The following NOX1 variants were observed in gnomAD, a reference collection of about 807,000 sequenced individuals.
The protein encoded by NOX1 is NADPH oxidase 1.
Under a neutral mutation model 42.5 loss-of-function variants are expected in NOX1, and 34 were observed. That is an observed-to-expected ratio of 0.80 (90% CI 0.61 to 1.07). The LOEUF (loss-of-function observed/expected upper bound fraction) is 1.07, where lower values mean the gene tolerates loss of function less well. Ranked by LOEUF, NOX1 falls within the 50% of genes least tolerant of loss-of-function variation. NOX1 has a pLI of 0.00. For synonymous variants in NOX1, 143 were observed against 152.5 expected, an observed-to-expected ratio of 0.94 and a Z score of 0.46; for missense variants, 408 against 427.0, an observed-to-expected ratio of 0.96 and a Z score of 0.39.
Position 100,850,273 on chromosome X carries a change from C to T in NOX1, c.1011G>A (p.Trp337Ter), listed in dbSNP as rs1240250983. 1 of 1,207,725 alleles carries T rather than the reference C, an allele frequency of 8.3e-7. No individual in the cohort carries two copies. The highest frequency in any genetic ancestry group is 1.7e-5 in the African/African-American group (1 of 57,150). ...VNCPSISLLE[W>*]HPFTLTSAPE... The stretch of plus-strand genomic sequence containing the variant: ...GAGCAGAGGTCAAAGTAAAAGGATG[C>T]CATTCCAGGAGAGAGATTGAGGGGC... Residue 337 changes from tryptophan (W) to a stop codon, truncating the protein, a stop_gained, in exon 9 of 13, where the codon TGG becomes TGA. Coordinates refer to ENST00000372966, the MANE Select transcript of NOX1 (RefSeq NM_007052.5). LOFTEE classifies it high-confidence loss of function.
rs775700320 is a variant in NOX1, at chrX:100,849,761, C to T, written c.1296+11G>A. ...CTCAGGCCAGAAGAAAAGTGATATA[C>T]GGGATTATACCTTTTTTGTTTTGAG... On this transcript the variant is annotated intron_variant, in intron 10 of 12. Transcript: ENST00000372966. The T allele has an allele frequency of 3.2e-5, 38 of 1,189,544 alleles. No individual in the cohort carries two copies. Among genetic ancestry groups the T allele is most frequent in the Non-Finnish European group, 3.8e-5 (34 of 884,441 alleles).
intron 1 of NOX1, among the ~76,000 whole-genome samples, chrX:100,871,830 C>G (rs1483949776): frequency 9.0e-6 from 1 of 111,622 alleles, no homozygotes; most frequent in Admixed American, 9.5e-5. Context: ...ATTCAGACTC[C>G]CTAGATCTAG....
intron 12 of NOX1, among the ~76,000 whole-genome samples, chrX:100,844,795 A>G (rs1433384910): frequency 8.9e-6 from 1 of 112,045 alleles, no homozygotes; most frequent in Non-Finnish European, 1.9e-5. Context: ...GGATAAAAAT[A>G]GTACTTACCA....
At chrX:100,856,398 A>C (rs1213475213) in intron 7 of NOX1, 1 of 497,649 alleles carries the variant, frequency 2.0e-6, no homozygotes, top group African/African-American at 2.4e-5. Context: ...GGGAGAAGAG[A>C]GACTTTAACG....
intron 2 of NOX1, among the ~76,000 whole-genome samples, chrX:100,865,622 G>A (rs949539293): frequency 1.7e-4 from 19 of 112,814 alleles, no homozygotes; most frequent in African/African-American, 6.1e-4. Flanking sequence ...CCTGTGGAAT[G>A]TTTCAATAAA....
chrX:100,847,717 G>A lies in NOX1; in HGVS notation c.1568+913C>T, dbSNP rs201406578. ...GGATTCGGAGATTGCAGCAAGCAGAGATCGCACCACTGCACTCCAGCCTGG... is the reference window on the plus strand; with the variant it reads ...GGATTCGGAGATTGCAGCAAGCAGAAATCGCACCACTGCACTCCAGCCTGG... On this transcript the variant is annotated intron_variant, in intron 12 of 12. Transcript: ENST00000372966. 9.0e-4 allele frequency among the ~76,000 whole-genome samples: 85 copies of A among 94,961 alleles called. No homozygotes were observed. The East Asian group carries it at 0.017, about 19-fold the overall frequency. 82.5% of individuals were successfully genotyped at this position (94,961 alleles called of 115,157 possible).
In NOX1 at chrX:100,849,215, C is replaced by T. The variant is rs940947188; in HGVS notation, c.1443+65G>A. On this transcript the variant is annotated intron_variant, in intron 11 of 12. Coordinates refer to ENST00000372966, the MANE Select transcript of NOX1 (RefSeq NM_007052.5). The stretch of plus-strand genomic sequence containing the variant: ...TAAGAAATAACTTCTAATCCATATG[C>T]ACTATCCTTTGTCTGACATTCGTCT... The T allele has an allele frequency of 5.1e-5, 56 of 1,102,654 alleles. No homozygotes were observed. In the African/African-American group the frequency reaches 9.2e-4, roughly 18 times the overall value. The allele number at this position is 1,102,654 out of a possible 1,213,427, so 90.9% of individuals were successfully genotyped here.
chrX:100,869,091 G>A (rs2085256805), intron 2 of NOX1, among the ~76,000 whole-genome samples: 1 of 111,378 alleles, frequency 9.0e-6, no homozygotes, highest in African/African-American at 3.3e-5. Context: ...AAGTGAGGTA[G>A]TGTGATGCCT....
chrX:100,861,843 C>T (rs2085205398), intron 7 of NOX1, among the ~76,000 whole-genome samples: 1 of 112,140 alleles, frequency 8.9e-6, no homozygotes, highest in South Asian at 3.7e-4. Flanking sequence ...TAGGCTATTG[C>T]TATATATAAA....
At chrX:100,855,441 T>G (rs1479596987) in intron 7 of NOX1, 42 of 719,047 alleles carry the variant, frequency 5.8e-5, no homozygotes, top group Non-Finnish European at 8.8e-5. Context: ...AAAATTTGAA[T>G]ACTGATTGTT....
intron 1 of NOX1, among the ~76,000 whole-genome samples, chrX:100,873,854 T>A (rs2085290947): frequency 9.0e-6 from 1 of 111,406 alleles, no homozygotes; most frequent in Non-Finnish European, 1.9e-5. Context: ...GAAAGGGAGA[T>A]GACAGAAAAT....
chrX:100,866,999 A>C (rs2085242436), intron 2 of NOX1, among the ~76,000 whole-genome samples: 1 of 111,575 alleles, frequency 9.0e-6, no homozygotes, highest in South Asian at 3.8e-4. Context: ...AGCAACACGG[A>C]GACCTCATGT....
intron 7 of NOX1, 131 bp from the exon 8 acceptor site, chrX:100,851,456 C>A: frequency 2.9e-6 from 1 of 347,361 alleles, no homozygotes; most frequent in Non-Finnish European, 5.0e-6. Context: ...CTAATTTCAC[C>A]AAATCTGGAA....
chrX:100,843,960 T>C lies in NOX1; in HGVS notation c.1687A>G (p.Asn563Asp). The change falls in exon 13 of 13, where the codon AAT becomes GAT. Residue 563 changes from asparagine to aspartate, a missense_variant. Transcript: ENST00000372966. ...RKVQFYFNKE[N>D]F The stretch of plus-strand genomic sequence containing the variant: ...GTCCTTATTCCTATAACTCAAAAAT[T>C]TTCTTTGTTGAAGTAGAATTGAACC... 1 of 1,204,343 alleles carries C rather than the reference T, an allele frequency of 8.3e-7. No individual in the cohort carries two copies. Among genetic ancestry groups the C allele is most frequent in the Non-Finnish European group, 1.1e-6 (1 of 889,637 alleles).
chrX:100,874,190 TC>T lies in NOX1; in HGVS notation c.-52del, dbSNP rs758357715. The stretch of plus-strand genomic sequence containing the variant: ...CTAGGCAACAGGGAAGATTCAGCAA[TC>T]CGGATTCTGGAGAGGTCCTTCAGGA... On this transcript the variant is annotated 5_prime_UTR_variant, in exon 1 of 13. Transcript: ENST00000372966. The T allele has an allele frequency of 2.8e-5, 26 of 937,329 alleles. No individual in the cohort carries two copies. In the African/African-American group the frequency reaches 3.7e-4, roughly 13 times the overall value. The allele number at this position is 937,329 out of a possible 1,213,427, so 77.2% of individuals were successfully genotyped here.
At chrX:100,864,685 G>C (rs1216835840) in intron 2 of NOX1, among the ~76,000 whole-genome samples, 2 of 111,917 alleles carry the variant, frequency 1.8e-5, no homozygotes, top group Non-Finnish European at 3.8e-5. Context: ...CCAAAAAACA[G>C]GCCTTACTAG....
intron 7 of NOX1, chrX:100,855,570 C>T: frequency 2.3e-6 from 2 of 871,366 alleles, no homozygotes; most frequent in Non-Finnish European, 3.4e-6. Flanking sequence ...GCCATAGCCA[C>T]TGTCCTGATT....
chrX:100,862,594 G>A, intron 5 of NOX1, 21 bp from the exon 6 acceptor site: 1 of 1,200,960 alleles, frequency 8.3e-7, no homozygotes, highest in African/African-American at 1.7e-5. Flanking sequence ...AGAAATGTCA[G>A]CCTGACACAA....
intron 7 of NOX1, chrX:100,856,237 A>G: frequency 1.0e-6 from 1 of 970,515 alleles, no homozygotes; most frequent in Non-Finnish European, 1.5e-6. Flanking sequence ...TGGTGTTTGG[A>G]TCTCTCATTA....
Sources: gnomAD v4.1 joint callset for allele counts (sites outside exome capture counted in the v4.1 genomes callset) on GRCh38, gnomAD v4.1.1 for gene constraint, MANE v1.5 for transcripts, NCBI Gene and HGNC (gene_info 2026-07-23, HGNC 2026-07-21) for gene names.